Variants in CEMP1 observed in about 807,000 individuals in gnomAD.
CEMP1 encodes cementum protein 1.
For synonymous variants in CEMP1, 161 were observed against 128.6 expected (o/e 1.25, Z -1.71); for missense variants, 387 against 316.9 (o/e 1.22, Z -1.68).
At position 2,530,035 on chromosome 16, in the gene CEMP1, A is replaced by G. The variant is rs750154542; in HGVS notation, c.*295T>C. 1.3e-5 allele frequency: 10 copies of G among 765,854 alleles called. No individual in the cohort carries two copies. The highest frequency in any genetic ancestry group is 8.9e-5 in the Admixed American group (3 of 33,554). 47.4% of individuals were successfully genotyped at this position (765,854 alleles called of 1,614,324 possible). On this transcript the variant is annotated 3_prime_UTR_variant, in exon 1 of 1. Coordinates refer to ENST00000567119, the MANE Select transcript of CEMP1 (RefSeq NM_001048212.3). ...CCAGTCACAGGGAGTGTGGACAGTC[A>G]GGGGTTTGCTTTCTGCTCCTGAGTT...
chr16:2,531,405 G>GT lies in CEMP1; in HGVS notation c.-333dup, dbSNP rs1487453099. ...AATTGTGGTAAAATACATAACAAAA[G>GT]TAACTATCGTAACCTGAGCAGTTCT... On this transcript the variant is annotated 5_prime_UTR_variant, in exon 1 of 1. Transcript: ENST00000567119. 7 of 505,406 alleles carry GT rather than the reference G, an allele frequency of 1.4e-5. No homozygotes were observed. Among genetic ancestry groups the GT allele is most frequent in the Non-Finnish European group, 2.5e-5 (7 of 277,446 alleles). The allele number at this position is 505,406 out of a possible 1,614,324, so 31.3% of individuals were successfully genotyped here.
In CEMP1 at chr16:2,530,922, T is replaced by A; in HGVS notation, c.152A>T (p.Gln51Leu). Reference protein sequence around the residue: ...LPGPAQAGAGQPLPKGCAAVK... With the variant: ...LPGPAQAGAGLPLPKGCAAVK... ...GGCCGCGCACCCCTTAGGAAGTGGCTGTCCAGCGCCTGCCTGTGCTGGGCC... is the reference window on the plus strand; with the variant it reads ...GGCCGCGCACCCCTTAGGAAGTGGCAGTCCAGCGCCTGCCTGTGCTGGGCC... Residue 51 changes from glutamine to leucine, a missense_variant, in exon 1 of 1, where the codon CAG becomes CTG. By Grantham distance (113) the Gln-to-Leu change is moderately radical. Coordinates refer to ENST00000567119, the MANE Select transcript of CEMP1 (RefSeq NM_001048212.3). The A allele has an allele frequency of 6.2e-7, 1 of 1,613,390 alleles. No individual in the cohort carries two copies. The highest frequency in any genetic ancestry group is 1.3e-5 in the African/African-American group (1 of 75,034).
chr16:2,530,533 T>A (rs376021402), intron 1 of CEMP1: 21 of 1,614,068 alleles, frequency 1.3e-5, no homozygotes, highest in Non-Finnish European at 1.7e-5. Flanking sequence ...GTCTTGACTT[T>A]CTCTCCATTT....
chr16:2,530,681 A>G lies in CEMP1; in HGVS notation c.393T>C (p.Ser131=), dbSNP rs1462499238. 1 of 1,614,084 alleles carries G rather than the reference A, an allele frequency of 6.2e-7. No homozygotes were observed. Among genetic ancestry groups the G allele is most frequent in the Non-Finnish European group, 8.5e-7 (1 of 1,180,000 alleles). The part of the protein sequence containing the change: ...LPTGGAQTIL[S]LWTWRHFLNW... ...TAAGGAAATGTCTCCAGGTCCAAAG[A>G]GATAGGATGGTCTGGGCCCCACCTG... Residue 131 remains serine (S), a synonymous_variant, in exon 1 of 1, where the codon TCT becomes TCC. Transcript: ENST00000567119.
chr16:2,530,831 G>GCGA lies in CEMP1; in HGVS notation c.240_242dup (p.Arg81dup). The GCGA allele has an allele frequency of 6.2e-7, 1 of 1,613,782 alleles. No homozygotes were observed. The highest frequency in any genetic ancestry group is 8.5e-7 in the Non-Finnish European group (1 of 1,179,986). On this transcript the variant is annotated inframe_insertion, in exon 1 of 1. Coordinates refer to ENST00000567119, the MANE Select transcript of CEMP1 (RefSeq NM_001048212.3). Reference sequence around the variant, plus strand: ...CCCCAGGGGCAGCCCAGGAAAGCAGGCGACGGATGTGGATCCTGACCTCCT... The same window carrying GCGA: ...CCCCAGGGGCAGCCCAGGAAAGCAGGCGACGACGGATGTGGATCCTGACCTCCT...
In CEMP1 at chr16:2,531,189, C is replaced by A; in HGVS notation, c.-116G>T. On this transcript the variant is annotated 5_prime_UTR_variant, in exon 1 of 1. Coordinates refer to ENST00000567119, the MANE Select transcript of CEMP1 (RefSeq NM_001048212.3). ...GGGCCTGGCCTGCCCCATTCACCGG[C>A]CAGCGCCCCACCTCCCTGGCTGGAG... The A allele has an allele frequency of 7.5e-7, 1 of 1,341,570 alleles. No homozygotes were observed. Among genetic ancestry groups the A allele is most frequent in the Admixed American group, 2.6e-5 (1 of 38,406 alleles). The allele number at this position is 1,341,570 out of a possible 1,614,324, so 83.1% of individuals were successfully genotyped here. A position where few individuals can be genotyped will look rare whatever the true frequency, so the allele number is the denominator to read the frequency against.
In CEMP1 at chr16:2,530,253, C is replaced by A. The variant is rs770756335; in HGVS notation, c.*77G>T. On this transcript the variant is annotated 3_prime_UTR_variant, in exon 1 of 1. Coordinates refer to ENST00000567119, the MANE Select transcript of CEMP1 (RefSeq NM_001048212.3). ...AATAACCCTATCTCTTCACACATCC[C>A]CAGGCCCAGTGCTTGCCGGCTGTGG... is the stretch of plus-strand genomic sequence containing the variant. 1.9e-6 allele frequency: 3 copies of A among 1,607,712 alleles called. No individual in the cohort carries two copies. Among genetic ancestry groups the A allele is most frequent in the Admixed American group, 1.7e-5 (1 of 59,542 alleles).
At chr16:2,530,733 C>T (rs761698203) in intron 1 of CEMP1, 2 of 1,613,936 alleles carry the variant, frequency 1.2e-6, no homozygotes, top group East Asian at 2.2e-5. Flanking sequence ...AGGGAAGAAC[C>T]ACCTGCCTGG....
chr16:2,531,101 T>TGGC lies in CEMP1; in HGVS notation c.-29_-28insGCC, dbSNP rs752598306. The stretch of plus-strand genomic sequence containing the variant: ...TCAGCTAAAACCCAGAGCTGGCATG[T>TGGC]TGGTCATCCCCACCTCAGACGGGAC... On this transcript the variant is annotated 5_prime_UTR_variant, in exon 1 of 1. Coordinates refer to ENST00000567119, the MANE Select transcript of CEMP1 (RefSeq NM_001048212.3). 3.9e-6 allele frequency: 6 copies of TGGC among 1,548,530 alleles called. No homozygotes were observed. The highest frequency in any genetic ancestry group is 5.3e-6 in the Non-Finnish European group (6 of 1,137,120).
rs2066071598 is a variant in CEMP1 at position 2,530,359 on chromosome 16, C to G, written c.715G>C (p.Glu239Gln). 5 of 1,614,176 alleles carry G rather than the reference C, an allele frequency of 3.1e-6. No individual in the cohort carries two copies. Among genetic ancestry groups the G allele is most frequent in the Non-Finnish European group, 4.2e-6 (5 of 1,180,012 alleles). ...CCCATTAGTGTCATCCTGCCATCTT[C>G]TGTGTCCCCTTGGCCCTGGCACACA... The part of the protein sequence containing the change: ...MGVCQGQGDT[E>Q]DGRMTLMG Residue 239 changes from glutamate (E) to glutamine (Q), a missense_variant, in exon 1 of 1, where the codon GAA becomes CAA. Physicochemically the swap from Glu to Gln is conservative, Grantham distance 29. Transcript: ENST00000567119.
In CEMP1 at chr16:2,530,539, C is replaced by T. The variant is rs1175324753; in HGVS notation, c.535G>A (p.Gly179Arg). 9 of 1,614,060 alleles carry T rather than the reference C, an allele frequency of 5.6e-6. No individual in the cohort carries two copies. The highest frequency in any genetic ancestry group is 3.3e-5 in the Admixed American group (2 of 60,004). ...EGSHPPQNSN[G>R]EKVKTITPDV... The stretch of plus-strand genomic sequence containing the variant: ...GGGGTGATTGTCTTGACTTTCTCTC[C>T]ATTTGAGTTCTGGGGTGGGTGGCTC... Residue 179 changes from glycine to arginine, a missense_variant, in exon 1 of 1, where the codon GGA (glycine) becomes AGA (arginine). Gly to Arg is a moderately radical substitution (Grantham distance 125). Transcript: ENST00000567119.
Position 2,531,166 on chromosome 16 carries a change from G to T in CEMP1, c.-93C>A. The T allele has an allele frequency of 2.7e-6, 4 of 1,473,354 alleles. No homozygotes were observed. The highest frequency in any genetic ancestry group is 2.7e-6 in the Non-Finnish European group (3 of 1,099,182). The allele number at this position is 1,473,354 out of a possible 1,614,324, so 91.3% of individuals were successfully genotyped here. On this transcript the variant is annotated 5_prime_UTR_variant, in exon 1 of 1. Transcript: ENST00000567119. ...TGGTGAGCCCTGGGCCAGCCTTTGG[G>T]CCTGGCCTGCCCCATTCACCGGCCA... is the stretch of plus-strand genomic sequence containing the variant.
chr16:2,531,331 T>G lies in CEMP1; in HGVS notation c.-258A>C. 1.9e-6 allele frequency: 1 copy of G among 536,988 alleles called. No homozygotes were observed. Among genetic ancestry groups the G allele is most frequent in the Non-Finnish European group, 3.4e-6 (1 of 294,344 alleles). 33.3% of individuals were successfully genotyped at this position (536,988 alleles called of 1,614,324 possible). A position where few individuals can be genotyped will look rare whatever the true frequency, so the allele number is the denominator to read the frequency against. ...GCCAGGGAGCTGCTGCAGGATGATTTTGAGGTGTGGGGGAAGCACTCTTGG... is the reference window on the plus strand; with the variant it reads ...GCCAGGGAGCTGCTGCAGGATGATTGTGAGGTGTGGGGGAAGCACTCTTGG... On this transcript the variant is annotated 5_prime_UTR_variant, in exon 1 of 1. Coordinates refer to ENST00000567119, the MANE Select transcript of CEMP1 (RefSeq NM_001048212.3).
chr16:2,531,143 G>A lies in CEMP1; in HGVS notation c.-70C>T. ...AGACGGGACGCCCAGTCCAGAGCTG[G>A]TGAGCCCTGGGCCAGCCTTTGGGCC... On this transcript the variant is annotated 5_prime_UTR_variant, in exon 1 of 1. Transcript: ENST00000567119. 1.3e-6 allele frequency: 2 copies of A among 1,525,408 alleles called. No homozygotes were observed. Among genetic ancestry groups the A allele is most frequent in the South Asian group, 2.5e-5 (2 of 79,432 alleles). 94.5% of individuals were successfully genotyped at this position (1,525,408 alleles called of 1,614,324 possible). A position where few individuals can be genotyped will look rare whatever the true frequency, so the allele number is the denominator to read the frequency against.
rs1567135447 is a variant in CEMP1, at chr16:2,530,976, C to T, written c.98G>A (p.Gly33Glu). ...GAGAGGAGCTGTCTTGCCAGGGCTC[C>T]CAGGCAGGGAGAGGCAGGTGAGGTT... ...AENLTCLSLP[G>E]SPGKTAPLPG... Residue 33 changes from glycine (G) to glutamate (E), a missense_variant, in exon 1 of 1, where the codon GGG becomes GAG. Physicochemically the swap from Gly to Glu is moderately conservative, Grantham distance 98. Transcript: ENST00000567119. The T allele has an allele frequency of 1.2e-6, 2 of 1,613,336 alleles. No homozygotes were observed. Among genetic ancestry groups the T allele is most frequent in the Admixed American group, 1.7e-5 (1 of 59,998 alleles).
Position 2,530,611 on chromosome 16 carries a change from G to C in CEMP1, c.463C>G (p.Arg155Gly), listed in dbSNP as rs781750391. Reference protein sequence around the residue: ...QREENSGRARRVPPVPRTAPV... With the variant: ...QREENSGRARGVPPVPRTAPV... ...GCTGTCCTGGGCACAGGAGGTACGC[G>C]CCTGGCTCTGCCACTGTTCTCTTCC... The change falls in exon 1 of 1, where the codon CGC (arginine) becomes GGC (glycine). Residue 155 changes from arginine (R) to glycine (G), a missense_variant. Physicochemically the swap from Arg to Gly is moderately radical, Grantham distance 125. Transcript: ENST00000567119. 1 of 1,614,160 alleles carries C rather than the reference G, an allele frequency of 6.2e-7. No homozygotes were observed. Among genetic ancestry groups the C allele is most frequent in the East Asian group, 2.2e-5 (1 of 44,894 alleles).
chr16:2,530,769 T>A lies in CEMP1; in HGVS notation c.305A>T (p.Gln102Leu). ...GLRSTPCALPQALPQARPCPG... is the reference protein window; with the variant it reads ...GLRSTPCALPLALPQARPCPG... ...GCAGGGCCTCGCCTGAGGGAGGGCCTGGGGCAGGGCACAAGGGGTTGATCT... is the reference window on the plus strand; with the variant it reads ...GCAGGGCCTCGCCTGAGGGAGGGCCAGGGGCAGGGCACAAGGGGTTGATCT... Residue 102 changes from glutamine to leucine, a missense_variant, in exon 1 of 1, where the codon CAG becomes CTG. By Grantham distance (113) the Gln-to-Leu change is moderately radical (BLOSUM62 -2). Coordinates refer to ENST00000567119, the MANE Select transcript of CEMP1 (RefSeq NM_001048212.3). The A allele has an allele frequency of 1.2e-6, 2 of 1,613,450 alleles. No homozygotes were observed. Among genetic ancestry groups the A allele is most frequent in the African/African-American group, 1.3e-5 (1 of 75,014 alleles).
Position 2,531,223 on chromosome 16 carries a change from A to T in CEMP1, c.-150T>A, listed in dbSNP as rs1413141795. ...CACCTCCCTGGCTGGAGGGTCGGGGAGGGGCTGGCAGAGATGGTTGGTCCA... is the reference window on the plus strand; with the variant it reads ...CACCTCCCTGGCTGGAGGGTCGGGGTGGGGCTGGCAGAGATGGTTGGTCCA... On this transcript the variant is annotated 5_prime_UTR_variant, in exon 1 of 1. Transcript: ENST00000567119. The T allele has an allele frequency of 2.0e-6, 2 of 1,023,798 alleles. No homozygotes were observed. Among genetic ancestry groups the T allele is most frequent in the Non-Finnish European group, 2.8e-6 (2 of 710,268 alleles). The allele number at this position is 1,023,798 out of a possible 1,614,324, so 63.4% of individuals were successfully genotyped here.
Position 2,530,153 on chromosome 16 carries a change from G to A in CEMP1, c.*177C>T. ...ACCTCCAGGAGGGAGACTGGGCCCG[G>A]GACCCCTGTTTTCTGCTCCCTGGAC... On this transcript the variant is annotated 3_prime_UTR_variant, in exon 1 of 1. Transcript: ENST00000567119. 7.0e-7 allele frequency: 1 copy of A among 1,428,890 alleles called. No individual in the cohort carries two copies. Among genetic ancestry groups the A allele is most frequent in the Non-Finnish European group, 9.2e-7 (1 of 1,083,542 alleles). 88.5% of individuals were successfully genotyped at this position (1,428,890 alleles called of 1,614,324 possible). A position where few individuals can be genotyped will look rare whatever the true frequency, so the allele number is the denominator to read the frequency against.
Sources: gnomAD v4.1 joint callset for allele counts on GRCh38, gnomAD v4.1.1 for gene constraint, MANE v1.5 for transcripts, NCBI Gene and HGNC (gene_info 2026-07-23, HGNC 2026-07-21) for gene names.